EGFL6: variants seen among roughly 807,000 people sequenced by gnomAD.
EGFL6 encodes the protein EGF like domain multiple 6, also known as epidermal growth factor-like protein 6.
A neutral mutation model predicts 43.1 loss-of-function variants in EGFL6; 42 were observed. The ratio of observed to expected loss-of-function variants is 0.98; its 90% CI spans 0.76 to 1.26. The LOEUF (loss-of-function observed/expected upper bound fraction) is 1.26, where lower values mean the gene tolerates loss of function less well. Among genes scored for constraint, EGFL6 ranks in the 50% most tolerant of loss-of-function variants. EGFL6 has a pLI of 0.00. For missense variants in EGFL6, 429 were observed against 427.8 expected (o/e 1.00, Z -0.02); for synonymous variants, 164 against 163.2 (o/e 1.01, Z -0.04).
intron 10 of EGFL6, among the ~76,000 whole-genome samples, chrX:13,624,674 A>T (rs770723462): frequency 9.0e-6 from 1 of 111,260 alleles, no homozygotes; most frequent in South Asian, 3.8e-4. Context: ...ACCTTCAGGG[A>T]CTCCAGTTAC....
intron 1 of EGFL6, among the ~76,000 whole-genome samples, chrX:13,578,858 A>G (rs1011715278): frequency 1.8e-5 from 2 of 110,905 alleles, no homozygotes; most frequent in East Asian, 5.6e-4. Flanking sequence ...CAGCACACCA[A>G]CATGGCACAT....
chrX:13,585,393 C>T (rs1034845483), intron 1 of EGFL6, among the ~76,000 whole-genome samples: 1 of 111,954 alleles, frequency 8.9e-6, no homozygotes, highest in African/African-American at 3.2e-5. Flanking sequence ...GATTATGTTT[C>T]TTTGATTTAA....
Position 13,598,912 on chromosome X carries a change from TTTCA to T in EGFL6, c.281-1061_281-1058del, listed in dbSNP as rs2045616673. Reference sequence around the variant, plus strand: ...CACATATATATAATTCATATATATATTTCATATATATAATTCACATATATATAAT... The same window carrying T: ...CACATATATATAATTCATATATATATTATATATAATTCACATATATATAAT... On this transcript the variant is annotated intron_variant, in intron 3 of 11. Transcript: ENST00000361306. Among the ~76,000 whole-genome samples the T allele has an allele frequency of 4.7e-5, 5 of 105,273 alleles. No homozygotes were observed. The South Asian group carries it at 2.0e-3, about 42-fold the overall frequency. 91.4% of individuals were successfully genotyped at this position (105,273 alleles called of 115,157 possible).
At chrX:13,625,898 A>AAAAG (rs2045777464) in intron 10 of EGFL6, among the ~76,000 whole-genome samples, 3 of 39,673 alleles carry the variant, frequency 7.6e-5, no homozygotes, top group Admixed American at 2.7e-4. Flanking sequence ...AAAAAAAAAA[A>AAAAG]AAAAAGAAAA....
intron 1 of EGFL6, among the ~76,000 whole-genome samples, chrX:13,579,867 G>A (rs1196026123): frequency 1.8e-5 from 2 of 110,836 alleles, no homozygotes; most frequent in Non-Finnish European, 3.8e-5. Flanking sequence ...TTCTCTCTAT[G>A]TGGACCTCTC....
intron 1 of EGFL6, among the ~76,000 whole-genome samples, chrX:13,576,431 T>C (rs2045471702): frequency 8.9e-6 from 1 of 111,775 alleles, no homozygotes; most frequent in Non-Finnish European, 1.9e-5. Flanking sequence ...CTTTGGGGAT[T>C]ACATTTAAAC....
chrX:13,622,405 TATAAA>T (rs758875652), intron 9 of EGFL6, among the ~76,000 whole-genome samples: 27 of 111,844 alleles, frequency 2.4e-4, no homozygotes, highest in African/African-American at 8.8e-4. Context: ...AATCAAATGA[TATAAA>T]ATATTTGGCA....
Position 13,569,611 on chromosome X carries a change from T to A in EGFL6, c.-251T>A. ...GCCCCGCCCTCCCTCGCTCACCCCG[T>A]CCAGCTTCATCCGCAGAGGAGCCTC... is the stretch of plus-strand genomic sequence containing the variant. On this transcript the variant is annotated 5_prime_UTR_variant, in exon 1 of 12. Transcript: ENST00000361306. 3.4e-6 allele frequency: 1 copy of A among 297,011 alleles called. No homozygotes were observed. The highest frequency in any genetic ancestry group is 6.0e-6 in the Non-Finnish European group (1 of 166,057). 24.5% of individuals were successfully genotyped at this position (297,011 alleles called of 1,213,427 possible).
At position 13,614,338 on chromosome X, in the gene EGFL6, T is replaced by C. The variant is rs188680870; in HGVS notation, c.779-3392T>C. ...TCATCTTTTGTTCTGTCCTAGCCCCTTCCTGTTTCCTGGGTCCCATGCTGG... is the reference window on the plus strand; with the variant it reads ...TCATCTTTTGTTCTGTCCTAGCCCCCTCCTGTTTCCTGGGTCCCATGCTGG... On this transcript the variant is annotated intron_variant, in intron 7 of 11. Coordinates refer to ENST00000361306, the MANE Select transcript of EGFL6 (RefSeq NM_015507.4). Among the ~76,000 whole-genome samples, 725 of 111,788 alleles carry C rather than the reference T, an allele frequency of 6.5e-3. 3 individuals are homozygous for C. The highest frequency in any genetic ancestry group is 0.022 in the African/African-American group (673 of 30,705).
Position 13,617,926 on chromosome X carries a change from C to T in EGFL6, c.975C>T (p.Gly325=), listed in dbSNP as rs142972440. 10 of 1,208,795 alleles carry T rather than the reference C, an allele frequency of 8.3e-6. No individual in the cohort carries two copies. Among genetic ancestry groups the T allele is most frequent in the African/African-American group, 7.0e-5 (4 of 56,800 alleles). Residue 325 remains glycine (G), a synonymous_variant, in exon 8 of 12, where the codon GGC becomes GGT. Transcript: ENST00000361306. ...PFNYEEIVSR[G]GNSHGGKKGN... ...ACTATGAAGAGATAGTTTCCAGAGGCGGGAACTCTCATGGAGGTAAAAAAG... is the reference window on the plus strand; with the variant it reads ...ACTATGAAGAGATAGTTTCCAGAGGTGGGAACTCTCATGGAGGTAAAAAAG...
chrX:13,607,228 A>T (rs2045665346), intron 6 of EGFL6, among the ~76,000 whole-genome samples: 1 of 111,255 alleles, frequency 9.0e-6, no homozygotes. Context: ...ATAATGTAGG[A>T]TGGGGCCTGC....
intron 1 of EGFL6, among the ~76,000 whole-genome samples, chrX:13,578,767 C>A (rs184494490): frequency 6.5e-5 from 7 of 107,071 alleles, no homozygotes; most frequent in Non-Finnish European, 1.1e-4. Flanking sequence ...CATCACACAC[C>A]GGGGCCTGTC....
intron 10 of EGFL6, among the ~76,000 whole-genome samples, chrX:13,626,248 G>A (rs2045780004): frequency 9.0e-6 from 1 of 111,707 alleles, no homozygotes; most frequent in African/African-American, 3.3e-5. Context: ...CCTGGGTCCT[G>A]CAAGTATCTC....
intron 10 of EGFL6, among the ~76,000 whole-genome samples, chrX:13,625,906 AAAAG>A (rs1171556271): frequency 7.1e-5 from 3 of 42,159 alleles, no homozygotes; most frequent in Non-Finnish European, 1.1e-4. Context: ...AAAAAAAAGA[AAAAG>A]AAAAAAAGAA....
chrX:13,619,368 AT>A, intron 9 of EGFL6, 125 bp downstream of exon 9: 1 of 558,766 alleles, frequency 1.8e-6, no homozygotes, highest in Non-Finnish European at 3.0e-6. Context: ...GGGAAAAATC[AT>A]TACATCACAC....
intron 7 of EGFL6, among the ~76,000 whole-genome samples, chrX:13,612,513 G>A (rs1420172055): frequency 9.1e-6 from 1 of 110,178 alleles, no homozygotes; most frequent in Admixed American, 9.6e-5. Flanking sequence ...TTTTCTATTC[G>A]ACAAAACCGC....
rs762602320 is a variant in EGFL6 at position 13,593,121 on chromosome X, G to T, written c.188-1715G>T. Among the ~76,000 whole-genome samples, 34 of 109,776 alleles carry T rather than the reference G, an allele frequency of 3.1e-4. No individual in the cohort carries two copies. In the Admixed American group the frequency reaches 3.2e-3, roughly 10 times the overall value. ...GTAGAGATGTGGTTTTACTATGTTG[G>T]CCGGGCTGGTCTCAAACTCCTGACC... is the stretch of plus-strand genomic sequence containing the variant. On this transcript the variant is annotated intron_variant, in intron 2 of 11. Coordinates refer to ENST00000361306, the MANE Select transcript of EGFL6 (RefSeq NM_015507.4).
chrX:13,628,475 A>G (rs114090518), intron 11 of EGFL6, among the ~76,000 whole-genome samples: 6,612 of 110,387 alleles, frequency 0.06, 350 homozygotes, highest in African/African-American at 0.17. Flanking sequence ...TGAAAAGAGA[A>G]GGGATCAGAG....
chrX:13,586,042 C>G (rs1285181068), intron 1 of EGFL6, among the ~76,000 whole-genome samples: 3 of 112,270 alleles, frequency 2.7e-5, no homozygotes, highest in African/African-American at 9.7e-5. Context: ...AAATTTCAAT[C>G]TTGTTTTCAA....
Sources: allele counts gnomAD v4.1 joint callset (sites outside exome capture counted in the v4.1 genomes callset), GRCh38; gene constraint gnomAD v4.1.1; transcripts MANE v1.5; gene names NCBI Gene and HGNC (gene_info 2026-07-23, HGNC 2026-07-21).